Variants in SLC10A7 observed in about 807,000 individuals in gnomAD.
The protein encoded by SLC10A7 is solute carrier family 10 member 7.
SLC10A7 carries 29 observed loss-of-function variants against 43.2 expected under a neutral mutation model. The observed-to-expected ratio is 0.67, with a 90% CI of 0.50 to 0.92. The LOEUF (loss-of-function observed/expected upper bound fraction) is 0.92. Ranked by LOEUF, SLC10A7 falls within the 40% of genes least tolerant of loss-of-function variation. SLC10A7 has a pLI of 0.00. For synonymous variants in SLC10A7, 152 were observed against 144.8 expected (o/e 1.05, Z -0.35); for missense variants, 295 against 403.2 (o/e 0.73, Z 2.30).
At chr4:146,495,037 T>A (rs965341622) in intron 4 of SLC10A7, among the ~76,000 whole-genome samples, 1 of 151,942 alleles carries the variant, frequency 6.6e-6, no homozygotes, top group Non-Finnish European at 1.5e-5. Context: ...AGTAGAAGAG[T>A]AGGGGCATAG....
At chr4:146,304,663 C>G (rs1731415282) in intron 7 of SLC10A7, among the ~76,000 whole-genome samples, 1 of 152,112 alleles carries the variant, frequency 6.6e-6, no homozygotes, top group East Asian at 1.9e-4. Context: ...GAGAGCTTTA[C>G]TTCCAAGTAT....
At chr4:146,261,874 A>G (rs1314762539) in intron 10 of SLC10A7, among the ~76,000 whole-genome samples, 1 of 152,174 alleles carries the variant, frequency 6.6e-6, no homozygotes, top group Non-Finnish European at 1.5e-5. Context: ...TCACAAGTCA[A>G]TCACTCGCCA....
At chr4:146,383,245 A>C (rs1737758981) in intron 5 of SLC10A7, among the ~76,000 whole-genome samples, 1 of 152,164 alleles carries the variant, frequency 6.6e-6, no homozygotes. Context: ...ATAAGAACTT[A>C]GTGAATTCTC....
intron 3 of SLC10A7, among the ~76,000 whole-genome samples, chr4:146,509,709 T>C (rs989260139): frequency 6.6e-6 from 1 of 152,184 alleles, no homozygotes; most frequent in Non-Finnish European, 1.5e-5. Flanking sequence ...GGATGAAGCA[T>C]GAGGGTGTAT....
At chr4:146,350,930 G>GA (rs1052595337) in intron 5 of SLC10A7, among the ~76,000 whole-genome samples, 2 of 145,886 alleles carry the variant, frequency 1.4e-5, no homozygotes, top group Middle Eastern at 3.6e-3. Flanking sequence ...CAAAGATGGG[G>GA]AAAAAACAGA....
intron 10 of SLC10A7, among the ~76,000 whole-genome samples, chr4:146,274,981 G>C (rs1042533372): frequency 1.2e-4 from 18 of 152,112 alleles, no homozygotes; most frequent in African/African-American, 3.1e-4. Context: ...TGAATATTCT[G>C]CTAGATCAAA....
chr4:146,521,760 T>C lies in SLC10A7; in HGVS notation c.-43A>G. On this transcript the variant is annotated 5_prime_UTR_variant, in exon 1 of 12. Transcript: ENST00000335472. Reference sequence around the variant, plus strand: ...GGTTTTGTTTATTTGTTTGGCTTTTTTTCTTTTCAAGCTCCGATCACCTAA... The same window carrying C: ...GGTTTTGTTTATTTGTTTGGCTTTTCTTCTTTTCAAGCTCCGATCACCTAA... 6.5e-7 allele frequency: 1 copy of C among 1,538,404 alleles called. No homozygotes were observed. Among genetic ancestry groups the C allele is most frequent in the Non-Finnish European group, 9.0e-7 (1 of 1,111,940 alleles).
rs1279096385 is a variant in SLC10A7, at chr4:146,422,188, A to G, written c.435+20595T>C. ...TTTATCTTTGAAAATGGAGAAATAAAACGCTCTAGGAAAGGTACAGGTATG... is the reference window on the plus strand; with the variant it reads ...TTTATCTTTGAAAATGGAGAAATAAGACGCTCTAGGAAAGGTACAGGTATG... On this transcript the variant is annotated intron_variant, in intron 5 of 11. Coordinates refer to ENST00000335472, the MANE Select transcript of SLC10A7 (RefSeq NM_001029998.6). Among the ~76,000 whole-genome samples the G allele has an allele frequency of 2.0e-5, 3 of 152,198 alleles. No homozygotes were observed. In the East Asian group the frequency reaches 5.8e-4, roughly 29 times the overall value.
At chr4:146,261,032 T>G (rs190295596) in intron 10 of SLC10A7, among the ~76,000 whole-genome samples, 3 of 152,346 alleles carry the variant, frequency 2.0e-5, no homozygotes, top group African/African-American at 7.2e-5. Flanking sequence ...GATCTCTCCC[T>G]TCTTTGGACC....
intron 6 of SLC10A7, among the ~76,000 whole-genome samples, chr4:146,318,749 T>C (rs952416343): frequency 2.6e-5 from 4 of 152,028 alleles, no homozygotes; most frequent in African/African-American, 7.2e-5. Context: ...TGCTGAATTA[T>C]CCTTATGAGT....
intron 4 of SLC10A7, among the ~76,000 whole-genome samples, chr4:146,486,732 T>C (rs1487913531): frequency 6.6e-6 from 1 of 152,198 alleles, no homozygotes; most frequent in East Asian, 1.9e-4. Context: ...AGCTTTGCTT[T>C]CACTTTCTCA....
chr4:146,285,709 C>T (rs1729849197), intron 9 of SLC10A7, among the ~76,000 whole-genome samples: 1 of 152,190 alleles, frequency 6.6e-6, no homozygotes, highest in South Asian at 2.1e-4. Context: ...CTCAGTGAGC[C>T]TTGGGAAGGA....
intron 6 of SLC10A7, among the ~76,000 whole-genome samples, chr4:146,321,934 T>G (rs1270597376): frequency 6.6e-6 from 1 of 152,168 alleles, no homozygotes; most frequent in Non-Finnish European, 1.5e-5. Flanking sequence ...TGATGTAAAG[T>G]CAAAATACCA....
chr4:146,513,496 A>G (rs941546482), intron 2 of SLC10A7, among the ~76,000 whole-genome samples: 1 of 152,172 alleles, frequency 6.6e-6, no homozygotes, highest in East Asian at 1.9e-4. Flanking sequence ...ATAAGTAAAT[A>G]CCACTTTTAT....
At position 146,386,423 on chromosome 4, in the gene SLC10A7, A is replaced by G. The variant is rs75522399; in HGVS notation, c.435+56360T>C. On this transcript the variant is annotated intron_variant, in intron 5 of 11. Transcript: ENST00000335472. Reference sequence around the variant, plus strand: ...GAACACTCATATATCCTTTACCTGCACTCACCAATTACCAGTCATTAACAT... The same window carrying G: ...GAACACTCATATATCCTTTACCTGCGCTCACCAATTACCAGTCATTAACAT... Among the ~76,000 whole-genome samples, 174 of 152,208 alleles carry G rather than the reference A, an allele frequency of 1.1e-3. 1 individual carries two copies. In the East Asian group the frequency reaches 0.02, roughly 17 times the overall value.
intron 7 of SLC10A7, among the ~76,000 whole-genome samples, chr4:146,304,255 C>T (rs181562531): frequency 1.3e-5 from 2 of 150,854 alleles, no homozygotes; most frequent in African/African-American, 2.4e-5. Flanking sequence ...TGGTCACAAA[C>T]ATAACTGCTG....
intron 9 of SLC10A7, 103 bp downstream of exon 9, chr4:146,292,825 TA>T: frequency 1.3e-6 from 1 of 768,572 alleles, no homozygotes; most frequent in South Asian, 1.9e-5. Context: ...AAAACATATG[TA>T]AAAGGAGAAA....
intron 6 of SLC10A7, among the ~76,000 whole-genome samples, chr4:146,322,973 T>C (rs1222208374): frequency 6.6e-6 from 1 of 152,196 alleles, no homozygotes; most frequent in African/African-American, 2.4e-5. Flanking sequence ...TGATGGCCAG[T>C]GATGATGAGC....
chr4:146,475,142 A>G (rs150079935), intron 4 of SLC10A7, among the ~76,000 whole-genome samples: 17 of 152,292 alleles, frequency 1.1e-4, no homozygotes, highest in Non-Finnish European at 1.3e-4. Context: ...AATAGATGCC[A>G]TTTTACTTTG....
Sources: allele counts gnomAD v4.1 joint callset (sites outside exome capture counted in the v4.1 genomes callset), GRCh38; gene constraint gnomAD v4.1.1; transcripts MANE v1.5; gene names NCBI Gene and HGNC (gene_info 2026-07-23, HGNC 2026-07-21).